Variants in ZMIZ1 observed in about 807,000 individuals in gnomAD.
The protein encoded by ZMIZ1 is zinc finger MIZ-type containing 1.
A neutral mutation model predicts 113.9 loss-of-function variants in ZMIZ1; 17 were observed. The observed-to-expected ratio is 0.15, with a 90% CI of 0.10 to 0.22. The LOEUF is 0.22. ZMIZ1 is among the 10% of genes least tolerant of loss of function. The probability of loss-of-function intolerance (pLI) is 1.00; values close to 1 mark genes in which losing one functional copy is unlikely to be tolerated. For missense variants in ZMIZ1, 1,059 were observed against 1,477.8 expected (o/e 0.72, Z 4.65); for synonymous variants, 607 against 603.1 (o/e 1.01, Z -0.09).
In ZMIZ1 at chr10:79,307,590, C is replaced by T. The variant is rs762073167; in HGVS notation, c.2835+19C>T. 2.5e-6 allele frequency: 4 copies of T among 1,606,966 alleles called. No individual in the cohort carries two copies. Among genetic ancestry groups the T allele is most frequent in the Non-Finnish European group, 3.4e-6 (4 of 1,177,322 alleles). On this transcript the variant is annotated intron_variant, in intron 23 of 24. Transcript: ENST00000334512. ...GGAAACTGTGAGTACCTCCTCCTCACCCCATTCCATTCCCCAGCCTTTGGG... is the reference window on the plus strand; with the variant it reads ...GGAAACTGTGAGTACCTCCTCCTCATCCCATTCCATTCCCCAGCCTTTGGG...
intron 4 of ZMIZ1, 39 bp from the exon 5 acceptor site, chr10:79,201,545 T>A: frequency 6.7e-7 from 1 of 1,499,868 alleles, no homozygotes; most frequent in Non-Finnish European, 9.2e-7. Context: ...TTGGCAGGCC[T>A]GGCGTGATCC....
chr10:79,126,690 C>A (rs1023978749), intron 2 of ZMIZ1, among the ~76,000 whole-genome samples: 1 of 152,168 alleles, frequency 6.6e-6, no homozygotes, highest in African/African-American at 2.4e-5. Flanking sequence ...TGCTAAATGC[C>A]CCTGAGTAGA....
At chr10:79,204,716 TGATA>T (rs1848239873) in intron 5 of ZMIZ1, among the ~76,000 whole-genome samples, 1 of 152,138 alleles carries the variant, frequency 6.6e-6, no homozygotes, top group African/African-American at 2.4e-5. Flanking sequence ...AGGGGTGGAC[TGATA>T]GATGGATACA....
chr10:79,229,623 A>G (rs886182211), intron 7 of ZMIZ1, among the ~76,000 whole-genome samples: 1 of 152,214 alleles, frequency 6.6e-6, no homozygotes, highest in African/African-American at 2.4e-5. Flanking sequence ...AACTCAGCGC[A>G]CAGGATAAGC....
intron 6 of ZMIZ1, among the ~76,000 whole-genome samples, chr10:79,210,223 A>T (rs945671753): frequency 6.6e-5 from 10 of 151,188 alleles, no homozygotes; most frequent in African/African-American, 2.4e-4. Context: ...TCTCCAGCAC[A>T]TTGCCCCGAG....
Position 79,311,133 on chromosome 10 carries a change from G to A in ZMIZ1, c.3045G>A (p.Glu1015=). The part of the protein sequence containing the change: ...DLTFNPSSAL[E]GQAGAQGASD... ...CCTTTAACCCCTCCTCAGCCTTAGAGGGTCAGGCCGGAGCGCAGGGAGCGT... is the reference window on the plus strand; with the variant it reads ...CCTTTAACCCCTCCTCAGCCTTAGAAGGTCAGGCCGGAGCGCAGGGAGCGT... The change falls in exon 24 of 25, where the codon GAG becomes GAA. Residue 1015 remains glutamate (E), a synonymous_variant. Transcript: ENST00000334512. The A allele has an allele frequency of 6.2e-7, 1 of 1,613,754 alleles. No homozygotes were observed. The highest frequency in any genetic ancestry group is 8.5e-7 in the Non-Finnish European group (1 of 1,180,042).
chr10:79,199,027 A>G (rs867932748), intron 4 of ZMIZ1, among the ~76,000 whole-genome samples: 30 of 122,372 alleles, frequency 2.5e-4, no homozygotes, highest in African/African-American at 9.9e-4. Context: ...AGCGAGACTC[A>G]GTCTCAAAAA....
intron 5 of ZMIZ1, among the ~76,000 whole-genome samples, chr10:79,203,857 C>T (rs1848205030): frequency 6.6e-6 from 1 of 152,230 alleles, no homozygotes; most frequent in African/African-American, 2.4e-5. Context: ...CATGCCAGAG[C>T]CCACACCACC....
intron 3 of ZMIZ1, among the ~76,000 whole-genome samples, chr10:79,157,486 G>C (rs1293470061): frequency 2.6e-5 from 4 of 152,106 alleles, no homozygotes; most frequent in African/African-American, 7.2e-5. Context: ...CCCTGGGGCA[G>C]TGTGACCCTC....
chr10:79,281,454 A>G (rs979675763), intron 8 of ZMIZ1, among the ~76,000 whole-genome samples: 8 of 152,166 alleles, frequency 5.3e-5, no homozygotes, highest in Admixed American at 2.0e-4. Context: ...CTATGAATTC[A>G]AGCTGGCTTT....
intron 3 of ZMIZ1, among the ~76,000 whole-genome samples, chr10:79,155,854 C>T (rs1845884930): frequency 6.6e-6 from 1 of 152,278 alleles, no homozygotes; most frequent in African/African-American, 2.4e-5. Flanking sequence ...GAGGTACCCT[C>T]CTGCCTGAAA....
intron 9 of ZMIZ1, chr10:79,290,654 C>T: frequency 1.7e-6 from 1 of 584,424 alleles, no homozygotes; most frequent in Non-Finnish European, 3.2e-6. Context: ...AGAGCAGCCT[C>T]TTCTCCCTTC....
intron 1 of ZMIZ1, among the ~76,000 whole-genome samples, chr10:79,081,239 C>T (rs1842648217): frequency 2.6e-5 from 4 of 152,162 alleles, no homozygotes; most frequent in Non-Finnish European, 4.4e-5. Flanking sequence ...ATTGTATCCT[C>T]GGAGACTTCT....
intron 24 of ZMIZ1, 94 bp downstream of exon 24, chr10:79,311,278 GAA>G: frequency 3.7e-6 from 2 of 544,748 alleles, no homozygotes; most frequent in African/African-American, 2.0e-5. Context: ...TCGAGGCCCC[GAA>G]GGGAGGAGGT....
chr10:79,251,182 C>T (rs137952817), intron 7 of ZMIZ1, among the ~76,000 whole-genome samples: 123 of 152,128 alleles, frequency 8.1e-4, no homozygotes, highest in African/African-American at 2.8e-3. Flanking sequence ...GGTGCCCTCC[C>T]AAGCTTGCTC....
At position 79,221,746 on chromosome 10, in the gene ZMIZ1, C is replaced by T. The variant is rs189581890; in HGVS notation, c.280+5472C>T. Among the ~76,000 whole-genome samples the T allele has an allele frequency of 3.5e-4, 54 of 152,342 alleles. No individual in the cohort carries two copies. In the Middle Eastern group the frequency reaches 0.017, roughly 48 times the overall value. The stretch of plus-strand genomic sequence containing the variant: ...AGAAAGCCATATGGCCTCAGCTGAC[C>T]CGTGAGCAGCCAGTCACTGTTGAAA... On this transcript the variant is annotated intron_variant, in intron 7 of 24. Coordinates refer to ENST00000334512, the MANE Select transcript of ZMIZ1 (RefSeq NM_020338.4).
At chr10:79,194,581 T>G (rs1403067442) in intron 4 of ZMIZ1, among the ~76,000 whole-genome samples, 1 of 152,182 alleles carries the variant, frequency 6.6e-6, no homozygotes, top group Non-Finnish European at 1.5e-5. Context: ...GTTGAGATGC[T>G]TCTCTCCTTG....
intron 9 of ZMIZ1, 144 bp from the exon 10 acceptor site, chr10:79,290,814 GT>G (rs1564587116): frequency 1.1e-6 from 1 of 929,428 alleles, no homozygotes. Flanking sequence ...ACTCAGAATA[GT>G]TCATCCACCC....
chr10:79,171,362 C>T lies in ZMIZ1; in HGVS notation c.-50+9229C>T, dbSNP rs550812623. On this transcript the variant is annotated intron_variant, in intron 4 of 24. Transcript: ENST00000334512. ...GCCTGGGCTGTCGCTCAGAGGATGC[C>T]GGGGGCCAGAGCTTTGTCTCCTTCC... 8.3e-4 allele frequency among the ~76,000 whole-genome samples: 126 copies of T among 152,298 alleles called. 1 individual carries two copies. The South Asian group carries it at 0.01, about 13-fold the overall frequency.
Sources: allele counts gnomAD v4.1 joint callset (sites outside exome capture counted in the v4.1 genomes callset), GRCh38; gene constraint gnomAD v4.1.1; transcripts MANE v1.5; gene names NCBI Gene and HGNC (gene_info 2026-07-23, HGNC 2026-07-21).